The following MYH7B variants were observed in gnomAD, a reference collection of about 807,000 sequenced individuals.
MYH7B encodes the protein myosin heavy chain 7B.
A neutral mutation model predicts 234.5 loss-of-function variants in MYH7B; 205 were observed. The observed-to-expected ratio is 0.87, with a 90% CI of 0.78 to 0.98. The LOEUF (loss-of-function observed/expected upper bound fraction) is 0.98. Among genes scored for constraint, MYH7B ranks in the 50% least tolerant of loss-of-function variants. The probability of loss-of-function intolerance (pLI) is 0.00; values close to 1 mark genes in which losing one functional copy is unlikely to be tolerated. For synonymous variants in MYH7B, 1,193 were observed against 1,105.0 expected, an observed-to-expected ratio of 1.08 and a Z score of -1.58; for missense variants, 2,652 against 2,633.4, an observed-to-expected ratio of 1.01 and a Z score of -0.15.
At chr20:34,968,162 G>A (rs962314388) in intron 2 of MYH7B, among the ~76,000 whole-genome samples, 2 of 152,208 alleles carry the variant, frequency 1.3e-5, no homozygotes, top group Admixed American at 6.5e-5. Context: ...GAGAAGTTAC[G>A]TAACTTGCCC....
rs1382403400 is a variant in MYH7B at position 34,999,774 on chromosome 20, C to T, written c.4666-17C>T. 34 of 974,690 alleles carry T rather than the reference C, an allele frequency of 3.5e-5. No individual in the cohort carries two copies. Among genetic ancestry groups the T allele is most frequent in the Non-Finnish European group, 5.0e-5 (33 of 656,148 alleles). The allele number at this position is 974,690 out of a possible 1,614,324, so 60.4% of individuals were successfully genotyped here. A position where few individuals can be genotyped will look rare whatever the true frequency, so the allele number is the denominator to read the frequency against. ...ATCCCCCCCCCCCACCCTACCCTGCCTGCTCTGTATCCACAGGGGGCCCTG... is the reference window on the plus strand; with the variant it reads ...ATCCCCCCCCCCCACCCTACCCTGCTTGCTCTGTATCCACAGGGGGCCCTG... On this transcript the variant is annotated splice_polypyrimidine_tract_variant and intron_variant, in intron 37 of 44. Transcript: ENST00000262873.
intron 5 of MYH7B, among the ~76,000 whole-genome samples, chr20:34,978,381 C>T (rs886867497): frequency 3.3e-5 from 5 of 152,110 alleles, no homozygotes; most frequent in East Asian, 1.9e-4. Flanking sequence ...GGCTGGAGCC[C>T]GAGGCCTCTG....
intron 38 of MYH7B, 70 bp from the exon 39 acceptor site, chr20:35,000,223 G>T (rs1024067858): frequency 6.7e-7 from 1 of 1,492,396 alleles, no homozygotes; most frequent in South Asian, 1.3e-5. Context: ...CGTTTCCAAC[G>T]GTCCTTGGGC....
intron 10 of MYH7B, among the ~76,000 whole-genome samples, chr20:34,983,999 C>A (rs1341294496): frequency 6.6e-6 from 1 of 152,176 alleles, no homozygotes; most frequent in Non-Finnish European, 1.5e-5. Context: ...TTCACTTAGT[C>A]CCCCTGGGTG....
At chr20:34,958,820 C>T (rs1263902418) in intron 2 of MYH7B, among the ~76,000 whole-genome samples, 1 of 152,184 alleles carries the variant, frequency 6.6e-6, no homozygotes, top group East Asian at 1.9e-4. Context: ...TATTTGTTTG[C>T]TGTTTCCCTC....
chr20:34,993,074 C>T, intron 24 of MYH7B, 28 bp from the exon 25 acceptor site: 1 of 1,602,420 alleles, frequency 6.2e-7, no homozygotes, highest in Non-Finnish European at 8.5e-7. Flanking sequence ...CCAGCCCTCT[C>T]CTGACCAGCT....
chr20:35,001,677 A>T (rs1327710023), intron 43 of MYH7B, 151 bp downstream of exon 43: 2 of 806,768 alleles, frequency 2.5e-6, no homozygotes, highest in Non-Finnish European at 3.9e-6. Context: ...GGGAGATCAG[A>T]CCTAGCTCCT....
chr20:34,987,846 C>T, exon 18 of MYH7B: 3 of 1,613,438 alleles, frequency 1.9e-6, no homozygotes, highest in Non-Finnish European at 2.5e-6. Context: ...CAACCAGACC[C>T]TGGACACAAA....
chr20:34,986,250 C>T (rs1325499817), intron 14 of MYH7B, 52 bp downstream of exon 14: 1 of 1,394,858 alleles, frequency 7.2e-7, no homozygotes, highest in Non-Finnish European at 1.0e-6. Flanking sequence ...GAGGGGCTGC[C>T]TGGCGCTTCC....
chr20:34,979,758 C>T (rs1337423691), exon 7 of MYH7B: 2 of 1,614,064 alleles, frequency 1.2e-6, no homozygotes, highest in East Asian at 4.5e-5. Context: ...AACGAGGCCT[C>T]TGTGCTGCAC....
At chr20:34,985,206 G>A (rs1339299189) in intron 13 of MYH7B, 77 bp downstream of exon 13, 10 of 1,407,980 alleles carry the variant, frequency 7.1e-6, no homozygotes, top group South Asian at 3.5e-5. Context: ...CTGTCATCAC[G>A]ACTTCTGGGC....
chr20:34,957,270 G>C (rs1000362717), intron 1 of MYH7B, among the ~76,000 whole-genome samples: 3 of 152,172 alleles, frequency 2.0e-5, no homozygotes, highest in African/African-American at 4.8e-5. Flanking sequence ...TTAGTTTTGT[G>C]TGTTAGGCAC....
At chr20:34,957,058 A>T (rs921416829) in intron 1 of MYH7B, among the ~76,000 whole-genome samples, 1 of 152,164 alleles carries the variant, frequency 6.6e-6, no homozygotes, top group Non-Finnish European at 1.5e-5. Flanking sequence ...TGTCCTAAAA[A>T]CAAAACAAAC....
At chr20:34,968,116 G>T (rs1039176878) in intron 2 of MYH7B, among the ~76,000 whole-genome samples, 1 of 152,196 alleles carries the variant, frequency 6.6e-6, no homozygotes, top group African/African-American at 2.4e-5. Context: ...GGTCTTCTTT[G>T]TGTATTTATT....
chr20:34,987,788 G>A (rs1427994110), exon 18 of MYH7B: 1 of 1,614,180 alleles, frequency 6.2e-7, no homozygotes, highest in Non-Finnish European at 8.5e-7. Context: ...TGGGGGCTCT[G>A]GCCAAGGCCA....
At chr20:34,997,409 C>A in exon 32 of MYH7B, 1 of 1,477,938 alleles carries the variant, frequency 6.8e-7, no homozygotes, top group Non-Finnish European at 8.9e-7. Context: ...AGGGCTGCCG[C>A]AAGCGGGAGG....
intron 8 of MYH7B, 97 bp downstream of exon 8, chr20:34,980,831 C>A: frequency 1.3e-6 from 2 of 1,541,188 alleles, no homozygotes; most frequent in Non-Finnish European, 1.8e-6. Context: ...CACTGCCCCC[C>A]TTTTGACGCT....
intron 31 of MYH7B, 34 bp from the exon 32 acceptor site, chr20:34,997,217 C>T (rs1480268739): frequency 3.9e-6 from 6 of 1,554,392 alleles, no homozygotes; most frequent in Non-Finnish European, 5.2e-6. Context: ...CAGAGGCCCA[C>T]AGAGGTGACA....
Position 34,997,194 on chromosome 20 carries a change from T to G in MYH7B, c.3357+21T>G, listed in dbSNP as rs975892350. 5 of 1,550,768 alleles carry G rather than the reference T, an allele frequency of 3.2e-6. No homozygotes were observed. The African/African-American group carries it at 6.8e-5, about 21-fold the overall frequency. ...TGCAGGTGCGTGGGGATCGGGTGGG[T>G]GAGGCCTGGGGTCAGAGGCCCACAG... On this transcript the variant is annotated intron_variant, in intron 31 of 44. Coordinates refer to ENST00000262873, the Ensembl canonical transcript of MYH7B.
Sources: allele counts gnomAD v4.1 joint callset (sites outside exome capture counted in the v4.1 genomes callset), GRCh38; gene constraint gnomAD v4.1.1; transcripts MANE v1.5; gene names NCBI Gene and HGNC (gene_info 2026-07-23, HGNC 2026-07-21).